The following LRMDA variants were observed in gnomAD, a reference collection of about 807,000 sequenced individuals.
LRMDA encodes the protein leucine-rich melanocyte differentiation-associated protein.
A neutral mutation model predicts 29.8 loss-of-function variants in LRMDA; 18 were observed. The ratio of observed to expected loss-of-function variants is 0.60; its 90% CI spans 0.42 to 0.90. LRMDA has a LOEUF of 0.90. Ranked by LOEUF, LRMDA falls within the 40% of genes least tolerant of loss-of-function variation. The pLI is 0.00. For synonymous variants in LRMDA, 125 were observed against 109.4 expected, an observed-to-expected ratio of 1.14 and a Z score of -0.89; for missense variants, 273 against 273.9, an observed-to-expected ratio of 1.00 and a Z score of 0.02.
chr10:75,558,779 G>C (rs1394979277), intron 2 of LRMDA, among the ~76,000 whole-genome samples: 2 of 149,520 alleles, frequency 1.3e-5, no homozygotes, highest in Non-Finnish European at 3.0e-5. Context: ...AGAACATGTG[G>C]TGTTTGGTTT....
At chr10:76,159,809 A>G (rs80057334) in intron 5 of LRMDA, among the ~76,000 whole-genome samples, 1 of 152,202 alleles carries the variant, frequency 6.6e-6, no homozygotes, top group Non-Finnish European at 1.5e-5. Flanking sequence ...TTCTAGCTAT[A>G]TGTCATTCTA....
At chr10:76,037,498 C>A (rs1197701309) in intron 3 of LRMDA, among the ~76,000 whole-genome samples, 1 of 152,216 alleles carries the variant, frequency 6.6e-6, no homozygotes, top group African/African-American at 2.4e-5. Context: ...TTAATGTTTT[C>A]TTTATTCTCT....
intron 2 of LRMDA, among the ~76,000 whole-genome samples, chr10:75,572,465 G>C (rs1389361807): frequency 6.6e-6 from 1 of 151,876 alleles, no homozygotes; most frequent in African/African-American, 2.4e-5. Context: ...AGGAGAGAGT[G>C]CTCAATAGAT....
chr10:76,265,337 G>A (rs973238664), intron 5 of LRMDA, among the ~76,000 whole-genome samples: 1 of 152,194 alleles, frequency 6.6e-6, no homozygotes, highest in East Asian at 1.9e-4. Flanking sequence ...CAGGCTGAAA[G>A]TTGAGTGTCA....
At chr10:75,762,391 A>G (rs1233694563) in intron 2 of LRMDA, among the ~76,000 whole-genome samples, 3 of 151,916 alleles carry the variant, frequency 2.0e-5, no homozygotes, top group Non-Finnish European at 4.4e-5. Flanking sequence ...CTCATCAGCT[A>G]TGATTAGTGT....
chr10:75,431,691 C>G lies in LRMDA; in HGVS notation c.-34C>G. The G allele has an allele frequency of 7.8e-7, 1 of 1,287,982 alleles. No homozygotes were observed. The highest frequency in any genetic ancestry group is 9.8e-7 in the Non-Finnish European group (1 of 1,023,406). The allele number at this position is 1,287,982 out of a possible 1,614,324, so 79.8% of individuals were successfully genotyped here. ...CCGCTGCTGCCGCCGCGCCCCCGCG[C>G]TCCGTCCCGCGCGCCCGCAGCGTCC... is the stretch of plus-strand genomic sequence containing the variant. On this transcript the variant is annotated 5_prime_UTR_variant, in exon 1 of 7. Transcript: ENST00000611255.
chr10:75,573,787 G>GT (rs1180328340), intron 2 of LRMDA, among the ~76,000 whole-genome samples: 3 of 151,858 alleles, frequency 2.0e-5, no homozygotes, highest in East Asian at 1.9e-4. Context: ...TTTTTATTTT[G>GT]TTTTTTTAAC....
chr10:75,876,502 C>T (rs1386171452), intron 2 of LRMDA, among the ~76,000 whole-genome samples: 2 of 152,090 alleles, frequency 1.3e-5, no homozygotes, highest in African/African-American at 4.8e-5. Flanking sequence ...AAAAATATCC[C>T]AATAACAAAC....
intron 6 of LRMDA, among the ~76,000 whole-genome samples, chr10:76,517,252 G>T (rs1297196895): frequency 2.0e-5 from 3 of 152,022 alleles, no homozygotes; most frequent in African/African-American, 7.2e-5. Context: ...CGATACATAT[G>T]GCAAAGCATG....
chr10:75,863,549 G>T (rs1051808555), intron 2 of LRMDA, among the ~76,000 whole-genome samples: 1 of 152,208 alleles, frequency 6.6e-6, no homozygotes, highest in Non-Finnish European at 1.5e-5. Context: ...CTAGGTCAAG[G>T]TATTTACCGC....
intron 2 of LRMDA, among the ~76,000 whole-genome samples, chr10:75,812,702 T>A (rs1843986203): frequency 6.6e-6 from 1 of 152,356 alleles, no homozygotes; most frequent in South Asian, 2.1e-4. Context: ...ATTATTCACA[T>A]ACATTTTCTT....
intron 6 of LRMDA, among the ~76,000 whole-genome samples, chr10:76,400,756 G>A (rs1393911760): frequency 6.6e-6 from 1 of 151,918 alleles, no homozygotes; most frequent in Non-Finnish European, 1.5e-5. Flanking sequence ...GATCTCTGAA[G>A]CTATATAGAT....
chr10:75,652,530 T>C (rs1178512208), intron 2 of LRMDA, among the ~76,000 whole-genome samples: 1 of 152,270 alleles, frequency 6.6e-6, no homozygotes, highest in Non-Finnish European at 1.5e-5. Flanking sequence ...TGTCTGTGAA[T>C]AGTTCTGTGA....
At chr10:76,384,826 C>T (rs1029484851) in intron 6 of LRMDA, among the ~76,000 whole-genome samples, 30 of 152,126 alleles carry the variant, frequency 2.0e-4, no homozygotes, top group South Asian at 2.1e-4. Flanking sequence ...AGAAAGCAGC[C>T]ATGTTTTATA....
At chr10:76,244,378 C>T (rs1852335566) in intron 5 of LRMDA, among the ~76,000 whole-genome samples, 1 of 152,156 alleles carries the variant, frequency 6.6e-6, no homozygotes, top group South Asian at 2.1e-4. Flanking sequence ...CCTAAAATGT[C>T]TGCAAAACTA....
intron 5 of LRMDA, among the ~76,000 whole-genome samples, chr10:76,077,376 A>G (rs1371837183): frequency 6.6e-6 from 1 of 152,228 alleles, no homozygotes; most frequent in Admixed American, 6.5e-5. Flanking sequence ...TCTTCAAGCT[A>G]TAGGAAAATG....
intron 5 of LRMDA, among the ~76,000 whole-genome samples, chr10:76,204,069 T>C (rs1459848832): frequency 7.4e-6 from 1 of 135,980 alleles, no homozygotes; most frequent in Non-Finnish European, 1.5e-5. Context: ...CCCGTCTCTA[T>C]TCCATGTGCC....
intron 2 of LRMDA, among the ~76,000 whole-genome samples, chr10:75,751,644 G>A (rs1392645423): frequency 6.6e-6 from 1 of 152,120 alleles, no homozygotes; most frequent in East Asian, 1.9e-4. Flanking sequence ...GGTGGCTATT[G>A]CTATGGTCCT....
intron 6 of LRMDA, among the ~76,000 whole-genome samples, chr10:76,339,332 T>C (rs1273200476): frequency 1.4e-5 from 2 of 138,722 alleles, no homozygotes; most frequent in Middle Eastern, 4.0e-3. Flanking sequence ...GAATTAGAAA[T>C]AAATGAAGTT....
Sources: allele counts gnomAD v4.1 joint callset (sites outside exome capture counted in the v4.1 genomes callset), GRCh38; gene constraint gnomAD v4.1.1; transcripts MANE v1.5; gene names NCBI Gene and HGNC (gene_info 2026-07-23, HGNC 2026-07-21).